Variants in ACOT11 observed in about 807,000 individuals in gnomAD.
ACOT11 encodes acyl-CoA thioesterase 11, also known as acyl-coenzyme A thioesterase 11.
Under a neutral mutation model 77.5 loss-of-function variants are expected in ACOT11, and 69 were observed. That is an observed-to-expected ratio of 0.89 (90% CI 0.73 to 1.09). The LOEUF (loss-of-function observed/expected upper bound fraction) is 1.09. Among genes scored for constraint, ACOT11 ranks in the 50% least tolerant of loss-of-function variants. The pLI is 0.00. For synonymous variants in ACOT11, 279 were observed against 313.0 expected (o/e 0.89, Z 1.15); for missense variants, 766 against 813.7 (o/e 0.94, Z 0.71).
At chr1:54,557,920 A>C (rs889799595) in intron 1 of ACOT11, among the ~76,000 whole-genome samples, 5 of 152,182 alleles carry the variant, frequency 3.3e-5, no homozygotes, top group Non-Finnish European at 7.3e-5. Context: ...GTTGGATATA[A>C]GTGGTAAAAG....
Position 54,609,696 on chromosome 1 carries a change from C to G in ACOT11, c.*584C>G. 6.2e-7 allele frequency: 1 copy of G among 1,614,074 alleles called. No homozygotes were observed. Among genetic ancestry groups the G allele is most frequent in the Non-Finnish European group, 8.5e-7 (1 of 1,180,026 alleles). ...AAACTCCCGTGGGAGATTTTGGCCC[C>G]AACCCACACAGGCCAATGCAAGAGG... is the stretch of plus-strand genomic sequence containing the variant. On this transcript the variant is annotated 3_prime_UTR_variant, in exon 16 of 16. Coordinates refer to ENST00000343744, the MANE Select transcript of ACOT11 (RefSeq NM_147161.4).
intron 3 of ACOT11, 110 bp downstream of exon 3, chr1:54,586,014 C>G (rs1247902533): frequency 8.8e-7 from 1 of 1,139,412 alleles, no homozygotes; most frequent in African/African-American, 1.6e-5. Flanking sequence ...GAGCCTGACT[C>G]AACTGACTGA....
At chr1:54,561,914 ACC>A (rs1356831218) in intron 1 of ACOT11, among the ~76,000 whole-genome samples, 2 of 31,454 alleles carry the variant, frequency 6.4e-5, no homozygotes, top group Non-Finnish European at 1.1e-4. Flanking sequence ...AGGGGGGCTG[ACC>A]CCCCCCCCAC....
chr1:54,623,445 T>C, intron 15 of ACOT11: 1 of 1,378,762 alleles, frequency 7.3e-7, no homozygotes, highest in Non-Finnish European at 1.0e-6. Flanking sequence ...CCAGAGTCCC[T>C]GAGGCTCCCT....
chr1:54,571,635 A>G (rs1024905033), intron 1 of ACOT11, among the ~76,000 whole-genome samples: 4 of 152,024 alleles, frequency 2.6e-5, no homozygotes, highest in African/African-American at 9.7e-5. Context: ...GTGTAAGGGC[A>G]CTCCTTCAGT....
intron 1 of ACOT11, among the ~76,000 whole-genome samples, chr1:54,553,909 C>T (rs1294396748): frequency 6.6e-6 from 1 of 152,130 alleles, no homozygotes; most frequent in East Asian, 1.9e-4. Flanking sequence ...GGAGGTGGCT[C>T]GTGCCCATAA....
chr1:54,579,576 A>G (rs1224255205), intron 1 of ACOT11, among the ~76,000 whole-genome samples: 1 of 152,164 alleles, frequency 6.6e-6, no homozygotes, highest in Non-Finnish European at 1.5e-5. Context: ...CTTTGTGGGG[A>G]CAGAGCATGG....
intron 1 of ACOT11, among the ~76,000 whole-genome samples, chr1:54,571,187 A>G (rs982770077): frequency 6.6e-6 from 1 of 152,076 alleles, no homozygotes; most frequent in Admixed American, 6.6e-5. Flanking sequence ...TGGCTCAAGT[A>G]AAATGGCTTC....
downstream of ACOT11, among the ~76,000 whole-genome samples, chr1:54,613,390 A>C (rs1308857627): frequency 1.3e-5 from 2 of 151,566 alleles, no homozygotes; most frequent in East Asian, 3.9e-4. Context: ...AAAAAAAAAA[A>C]CTTTTTTTCC....
At chr1:54,587,566 T>TG (rs1350510893) in intron 3 of ACOT11, among the ~76,000 whole-genome samples, 25 of 135,016 alleles carry the variant, frequency 1.9e-4, no homozygotes, top group African/African-American at 7.0e-4. Flanking sequence ...TTTTTTTTTT[T>TG]TTTTTTTTTT....
At position 54,584,916 on chromosome 1, in the gene ACOT11, G is replaced by A; in HGVS notation, c.241+54G>A. 1 of 1,540,340 alleles carries A rather than the reference G, an allele frequency of 6.5e-7. No homozygotes were observed. Among genetic ancestry groups the A allele is most frequent in the South Asian group, 1.2e-5 (1 of 84,484 alleles). Reference sequence around the variant, plus strand: ...CCTGCCCCACAGGCCCAGAGCAGGGGCCGTGCTTTCAGAGATGGTCACCGT... The same window carrying A: ...CCTGCCCCACAGGCCCAGAGCAGGGACCGTGCTTTCAGAGATGGTCACCGT... On this transcript the variant is annotated intron_variant, in intron 2 of 15. Transcript: ENST00000343744. The surrounding 1 kb of genome is among the most constrained non-coding windows in gnomAD (Gnocchi z 6.3).
intron 1 of ACOT11, among the ~76,000 whole-genome samples, chr1:54,552,050 A>G (rs1653088902): frequency 6.6e-6 from 1 of 152,076 alleles, no homozygotes; most frequent in Non-Finnish European, 1.5e-5. Flanking sequence ...TTCAGGCACA[A>G]CAGTTGGATG....
chr1:54,593,541 C>A (rs1557659815), intron 4 of ACOT11, among the ~76,000 whole-genome samples: 1 of 148,628 alleles, frequency 6.7e-6, no homozygotes, highest in Non-Finnish European at 1.5e-5. Context: ...CTCAAGTGAT[C>A]CTCCCGCTGC....
intron 1 of ACOT11, among the ~76,000 whole-genome samples, chr1:54,581,961 G>A (rs76441944): frequency 6.6e-6 from 1 of 152,082 alleles, no homozygotes; most frequent in Non-Finnish European, 1.5e-5. Context: ...GAGTCTGAAA[G>A]GCTATGCCTG....
chr1:54,608,927 TCCCCCTGAGCTTGGCTTC>T lies in ACOT11; in HGVS notation c.1630-27_1630-10del, dbSNP rs1337194185. On this transcript the variant is annotated splice_polypyrimidine_tract_variant and intron_variant, in intron 15 of 15. Transcript: ENST00000343744. Reference sequence around the variant, plus strand: ...TTCCCAGGACCCTCCCCTAGCTTGGTCCCCCTGAGCTTGGCTTCCCACCCTGCAGGTATCCTACTACAA... The same window carrying T: ...TTCCCAGGACCCTCCCCTAGCTTGGTCCACCCTGCAGGTATCCTACTACAA... 1 of 1,608,596 alleles carries T rather than the reference TCCCCCTGAGCTTGGCTTC, an allele frequency of 6.2e-7. No individual in the cohort carries two copies. Among genetic ancestry groups the T allele is most frequent in the East Asian group, 2.2e-5 (1 of 44,830 alleles).
chr1:54,573,575 A>G (rs1653995033), intron 1 of ACOT11, among the ~76,000 whole-genome samples: 2 of 152,300 alleles, frequency 1.3e-5, no homozygotes, highest in Admixed American at 1.3e-4. Flanking sequence ...TCTACTAAAA[A>G]TACAAAAAGT....
chr1:54,592,661 C>T, intron 4 of ACOT11, 55 bp downstream of exon 4: 8 of 1,572,434 alleles, frequency 5.1e-6, no homozygotes, highest in Non-Finnish European at 7.0e-6. Context: ...CCTCTACCTC[C>T]TCTCTCCATT....
chr1:54,624,540 AAG>A (rs1484026234), intron 15 of ACOT11, among the ~76,000 whole-genome samples: 3 of 152,178 alleles, frequency 2.0e-5, no homozygotes, highest in East Asian at 3.9e-4. Context: ...GGCCAAAGCA[AAG>A]AGAGAAAGGG....
intron 8 of ACOT11, among the ~76,000 whole-genome samples, 143 bp from the exon 9 acceptor site, chr1:54,601,112 CATACATGTGTGTGT>C (rs2100999367): frequency 6.6e-6 from 1 of 150,868 alleles, no homozygotes; most frequent in Admixed American, 6.6e-5. Flanking sequence ...TATGTGTGTG[CATACATGTGTGTGT>C]ATGTGTGTGC....
Sources: gnomAD v4.1 joint callset for allele counts (sites outside exome capture counted in the v4.1 genomes callset) on GRCh38, gnomAD v4.1.1 for gene constraint, Gnocchi (gnomAD v3.1) non-coding constraint, MANE v1.5 for transcripts, NCBI Gene and HGNC (gene_info 2026-07-23, HGNC 2026-07-21) for gene names.